Variants in PRRC2C observed in about 807,000 individuals in gnomAD.
The protein encoded by PRRC2C is protein PRRC2C.
In PRRC2C, 72 loss-of-function variants were observed where a neutral mutation model predicts 317.2. That is an observed-to-expected ratio of 0.23 (90% CI 0.19 to 0.28). The LOEUF (loss-of-function observed/expected upper bound fraction) is 0.28, where lower values mean the gene tolerates loss of function less well. PRRC2C is among the 10% of genes least tolerant of loss of function. The pLI, the probability that PRRC2C is intolerant of heterozygous loss-of-function variation, is 1.00. For missense variants in PRRC2C, 3,074 were observed against 3,459.7 expected (o/e 0.89, Z 2.80); for synonymous variants, 1,296 against 1,205.9 (o/e 1.07, Z -1.55).
At chr1:171,573,967 G>A (rs1356487187) in intron 24 of PRRC2C, among the ~76,000 whole-genome samples, 4 of 151,830 alleles carry the variant, frequency 2.6e-5, no homozygotes, top group Middle Eastern at 3.4e-3. Flanking sequence ...GTGAGCCACC[G>A]CACCCGGCCT....
At chr1:171,564,113 G>C (rs1156999691) in intron 20 of PRRC2C, among the ~76,000 whole-genome samples, 2 of 152,036 alleles carry the variant, frequency 1.3e-5, no homozygotes, top group Admixed American at 6.5e-5. Context: ...AAGAAATTTT[G>C]TATTAGCAAA....
At chr1:171,579,994 G>A in intron 28 of PRRC2C, 30 bp downstream of exon 28, 1 of 1,457,972 alleles carries the variant, frequency 6.9e-7, no homozygotes, top group African/African-American at 1.4e-5. Context: ...TGTTTGTAAT[G>A]ATGTTGAAAA....
At chr1:171,515,385 A>G (rs993370430) in intron 4 of PRRC2C, among the ~76,000 whole-genome samples, 2 of 152,218 alleles carry the variant, frequency 1.3e-5, no homozygotes, top group African/African-American at 4.8e-5. Flanking sequence ...TTTCAGTAAT[A>G]TGATTTGAAC....
chr1:171,535,149 T>C (rs1194936304), intron 12 of PRRC2C, among the ~76,000 whole-genome samples: 2 of 151,968 alleles, frequency 1.3e-5, no homozygotes, highest in Non-Finnish European at 2.9e-5. Context: ...TTGGAAATGT[T>C]TCATTATTTA....
rs1682955675 is a variant in PRRC2C, at chr1:171,562,837, G to A, written c.6117+1734G>A. On this transcript the variant is annotated intron_variant, in intron 20 of 34. Coordinates refer to ENST00000647382, the MANE Select transcript of PRRC2C (RefSeq NM_001387844.1). ...GCATATAGATGATGTTTAAAGTGATGGAATGGTATAAGGTTACCAAGGGAG... is the reference window on the plus strand; with the variant it reads ...GCATATAGATGATGTTTAAAGTGATAGAATGGTATAAGGTTACCAAGGGAG... 2.0e-5 allele frequency among the ~76,000 whole-genome samples: 3 copies of A among 152,228 alleles called. No homozygotes were observed. In the South Asian group the frequency reaches 6.2e-4, roughly 32 times the overall value.
At chr1:171,501,372 C>T (rs1398597564) in intron 1 of PRRC2C, among the ~76,000 whole-genome samples, 1 of 152,196 alleles carries the variant, frequency 6.6e-6, no homozygotes, top group East Asian at 1.9e-4. Context: ...CTCAAGTGAT[C>T]TGCATGCTTT....
chr1:171,527,048 C>G (rs1674729966), intron 10 of PRRC2C, among the ~76,000 whole-genome samples: 1 of 151,160 alleles, frequency 6.6e-6, no homozygotes, highest in Admixed American at 6.6e-5. Flanking sequence ...CCTTGTGATC[C>G]GCCTGCCTCG....
chr1:171,525,538 G>A (rs896693629), intron 10 of PRRC2C, among the ~76,000 whole-genome samples: 1 of 152,184 alleles, frequency 6.6e-6, no homozygotes, highest in Non-Finnish European at 1.5e-5. Context: ...TAAGGAATCA[G>A]TATAGTTAGC....
chr1:171,579,342 G>C lies in PRRC2C; in HGVS notation c.7160-12G>C. On this transcript the variant is annotated splice_polypyrimidine_tract_variant and intron_variant, in intron 26 of 34. Transcript: ENST00000647382. The stretch of plus-strand genomic sequence containing the variant: ...ACACTTACTACTGCTTGTTTATCCT[G>C]ATGGTCTACAGCTCAAATCCCAGCC... 1 of 1,609,214 alleles carries C rather than the reference G, an allele frequency of 6.2e-7. No homozygotes were observed. The highest frequency in any genetic ancestry group is 8.5e-7 in the Non-Finnish European group (1 of 1,177,022).
Position 171,579,474 on chromosome 1 carries a change from C to CA in PRRC2C, c.7272+11dup. Reference sequence around the variant, plus strand: ...CAACCAGGTCTCTCTCAGGTAATATCAAAGACTTCTTCCATCCTGTATTTG... The same window carrying CA: ...CAACCAGGTCTCTCTCAGGTAATATCAAAAGACTTCTTCCATCCTGTATTTG... On this transcript the variant is annotated intron_variant, in intron 27 of 34. Transcript: ENST00000647382. 1 of 1,612,676 alleles carries CA rather than the reference C, an allele frequency of 6.2e-7. No individual in the cohort carries two copies. The highest frequency in any genetic ancestry group is 8.5e-7 in the Non-Finnish European group (1 of 1,179,756).
In PRRC2C at chr1:171,542,206, A is replaced by T. The variant is rs371373281; in HGVS notation, c.4740A>T (p.Pro1580=). The T allele has an allele frequency of 4.9e-5, 77 of 1,565,946 alleles. No individual in the cohort carries two copies. Among genetic ancestry groups the T allele is most frequent in the Non-Finnish European group, 6.3e-5 (73 of 1,159,840 alleles). The change falls in exon 16 of 35, where the codon CCA becomes CCT. Residue 1580 remains proline, a synonymous_variant. Coordinates refer to ENST00000647382, the MANE Select transcript of PRRC2C (RefSeq NM_001387844.1). ...CTAGAAATGAAAGGAGAAGTGGCCC[A>T]CCATCAAAAAGTGGGAAGAGAGGGT... ...SGPRNERRSG[P]PSKSGKRGPF...
chr1:171,520,901 T>C (rs1175540414), intron 6 of PRRC2C, among the ~76,000 whole-genome samples: 1 of 150,480 alleles, frequency 6.6e-6, no homozygotes, highest in Admixed American at 6.7e-5. Context: ...ACCTCCTGGG[T>C]TCAAGTGATT....
intron 1 of PRRC2C, chr1:171,511,601 G>T (rs900492908): frequency 1.3e-5 from 2 of 152,356 alleles, no homozygotes; most frequent in African/African-American, 4.8e-5. Context: ...GCTTTGTTGG[G>T]CACATACTGC....
intron 6 of PRRC2C, among the ~76,000 whole-genome samples, chr1:171,518,020 G>A (rs180742207): frequency 6.9e-4 from 105 of 152,286 alleles, no homozygotes; most frequent in African/African-American, 2.4e-3. Flanking sequence ...TGGGCTATCC[G>A]GGAAACGTTA....
intron 12 of PRRC2C, 95 bp from the exon 13 acceptor site, chr1:171,535,333 C>G: frequency 9.1e-7 from 1 of 1,104,450 alleles, no homozygotes; most frequent in Non-Finnish European, 1.3e-6. Context: ...TTTTCTTCCT[C>G]ATTAACTTTT....
rs551839571 is a variant in PRRC2C at position 171,522,268 on chromosome 1, A to G, written c.833+9A>G. ...TTATCTGAAACAAACAAGTAAGGCT[A>G]TTAAATGATTAAAGTCTGTAAGGAA... On this transcript the variant is annotated intron_variant, in intron 7 of 34. Coordinates refer to ENST00000647382, the MANE Select transcript of PRRC2C (RefSeq NM_001387844.1). 5 of 1,522,682 alleles carry G rather than the reference A, an allele frequency of 3.3e-6. No homozygotes were observed. The highest frequency in any genetic ancestry group is 1.7e-4 in the Middle Eastern group (1 of 5,866). 94.3% of individuals were successfully genotyped at this position (1,522,682 alleles called of 1,614,324 possible).
Position 171,500,379 on chromosome 1 carries a change from G to C in PRRC2C, c.-57-11653G>C, listed in dbSNP as rs139801547. Among the ~76,000 whole-genome samples the C allele has an allele frequency of 2.2e-3, 339 of 152,200 alleles. 1 individual carries two copies. The highest frequency in any genetic ancestry group is 7.9e-3 in the African/African-American group (327 of 41,544). ...AAACCACTTAGACTTTTTTCTTCCA[G>C]ATTTTCTCTTCTTTTTAATTGTAAT... On this transcript the variant is annotated intron_variant, in intron 1 of 34. Coordinates refer to ENST00000647382, the MANE Select transcript of PRRC2C (RefSeq NM_001387844.1).
Position 171,556,769 on chromosome 1 carries a change from A to G in PRRC2C, c.5128-471A>G, listed in dbSNP as rs1681514597. Among the ~76,000 whole-genome samples, 3 of 152,240 alleles carry G rather than the reference A, an allele frequency of 2.0e-5. 1 individual carries two copies. In the South Asian group the frequency reaches 6.2e-4, roughly 31 times the overall value. On this transcript the variant is annotated intron_variant, in intron 18 of 34. Coordinates refer to ENST00000647382, the MANE Select transcript of PRRC2C (RefSeq NM_001387844.1). ...TAGTTCATTTAAATACACAGAATGA[A>G]TCAAGGTAAATTATTCATTTAATTG...
intron 23 of PRRC2C, among the ~76,000 whole-genome samples, chr1:171,569,324 T>C (rs1335069786): frequency 6.6e-6 from 1 of 151,816 alleles, no homozygotes; most frequent in Non-Finnish European, 1.5e-5. Context: ...TCTTACTTTT[T>C]TTCTATGCTT....
Sources: gnomAD v4.1 joint callset for allele counts (sites outside exome capture counted in the v4.1 genomes callset) on GRCh38, gnomAD v4.1.1 for gene constraint, MANE v1.5 for transcripts, NCBI Gene and HGNC (gene_info 2026-07-23, HGNC 2026-07-21) for gene names.